Variants in SLC25A21 observed in about 807,000 individuals in gnomAD.
SLC25A21 encodes solute carrier family 25 member 21.
SLC25A21 carries 47 observed loss-of-function variants against 43.8 expected under a neutral mutation model. That is an observed-to-expected ratio of 1.07 (90% CI 0.85 to 1.37). The LOEUF (loss-of-function observed/expected upper bound fraction) is 1.37. Ranked by LOEUF, SLC25A21 falls within the 40% of genes most tolerant of loss-of-function variation. The probability of loss-of-function intolerance (pLI) is 0.00; values close to 1 mark genes in which losing one functional copy is unlikely to be tolerated. For synonymous variants in SLC25A21, 131 were observed against 121.3 expected (o/e 1.08, Z -0.52); for missense variants, 352 against 350.2 (o/e 1.00, Z -0.04).
chr14:36,699,667 C>T (rs557293922), intron 7 of SLC25A21, among the ~76,000 whole-genome samples: 6 of 152,312 alleles, frequency 3.9e-5, no homozygotes, highest in Non-Finnish European at 8.8e-5. Flanking sequence ...GGATGTCCCT[C>T]CCCCAGCCAG....
At chr14:36,829,457 C>CTTTGAAGTTTTGG (rs1888956017) in intron 2 of SLC25A21, among the ~76,000 whole-genome samples, 1 of 152,130 alleles carries the variant, frequency 6.6e-6, no homozygotes, top group African/African-American at 2.4e-5. Flanking sequence ...GAGTTTTCAT[C>CTTTGAAGTTTTGG]TTTGAAGTTT....
Position 36,729,513 on chromosome 14 carries a change from T to G in SLC25A21, c.324A>C (p.Pro108=), listed in dbSNP as rs767982043. The G allele has an allele frequency of 9.3e-6, 15 of 1,606,838 alleles. No homozygotes were observed. The highest frequency in any genetic ancestry group is 7.6e-6 in the Non-Finnish European group (9 of 1,176,876). Residue 108 remains proline (P), a synonymous_variant, in exon 5 of 10, where the codon CCA becomes CCC. Coordinates refer to ENST00000331299, the MANE Select transcript of SLC25A21 (RefSeq NM_030631.4). ...KKLLGYVSLS[P]ALTFAIAGLG... ...AATAAATACTCTCACTTACCAATGC[T>G]GGTGACAGTGACACATATCCCAGCA...
chr14:36,945,701 A>G (rs1321496304), intron 1 of SLC25A21, among the ~76,000 whole-genome samples: 6 of 152,148 alleles, frequency 3.9e-5, no homozygotes, highest in African/African-American at 1.2e-4. Context: ...TGTTGGCATC[A>G]GGGGCTGGGG....
At chr14:36,744,735 A>G (rs1885421255) in intron 3 of SLC25A21, among the ~76,000 whole-genome samples, 1 of 134,100 alleles carries the variant, frequency 7.5e-6, no homozygotes, top group Admixed American at 7.3e-5. Context: ...AATGAGGGAA[A>G]ATATTTGCAA....
chr14:37,101,823 G>A (rs6571784), intron 1 of SLC25A21, among the ~76,000 whole-genome samples: 121,585 of 152,130 alleles, frequency 0.8, 51,420 homozygotes, highest in South Asian at 0.95. Context: ...TTGTGGTTAC[G>A]TCTGTGTAAT....
At chr14:36,924,103 T>C (rs1378700790) in intron 1 of SLC25A21, among the ~76,000 whole-genome samples, 1 of 152,098 alleles carries the variant, frequency 6.6e-6, no homozygotes, top group Admixed American at 6.5e-5. Context: ...TCAACCATTA[T>C]GGAAGTCAGT....
intron 6 of SLC25A21, among the ~76,000 whole-genome samples, chr14:36,713,963 G>A (rs1884004496): frequency 6.6e-6 from 1 of 152,082 alleles, no homozygotes; most frequent in South Asian, 2.1e-4. Context: ...TCACTGCATA[G>A]TGACAGGCTC....
At chr14:37,033,684 G>A (rs1276556448) in intron 1 of SLC25A21, among the ~76,000 whole-genome samples, 1 of 152,102 alleles carries the variant, frequency 6.6e-6, no homozygotes, top group Admixed American at 6.5e-5. Flanking sequence ...TTATTCAAAG[G>A]ATATTGATGG....
intron 1 of SLC25A21, among the ~76,000 whole-genome samples, chr14:36,921,229 TCAG>T (rs1456261478): frequency 2.0e-5 from 3 of 152,156 alleles, no homozygotes; most frequent in Non-Finnish European, 4.4e-5. Context: ...TATATGAACT[TCAG>T]CAAGTCATAT....
At chr14:37,168,647 G>GA (rs567077061) in intron 1 of SLC25A21, among the ~76,000 whole-genome samples, 8 of 148,680 alleles carry the variant, frequency 5.4e-5, no homozygotes, top group Admixed American at 1.3e-4. Context: ...GACTAGAACC[G>GA]AAAAAAAAAG....
intron 7 of SLC25A21, among the ~76,000 whole-genome samples, chr14:36,695,302 G>T (rs1020588976): frequency 1.3e-5 from 2 of 152,012 alleles, no homozygotes; most frequent in Non-Finnish European, 2.9e-5. Flanking sequence ...CATGCTGTTT[G>T]GGTTACTGTA....
chr14:37,108,447 T>G (rs1962955888), intron 1 of SLC25A21, among the ~76,000 whole-genome samples: 2 of 152,190 alleles, frequency 1.3e-5, no homozygotes, highest in Admixed American at 6.5e-5. Flanking sequence ...GCTAATTTCA[T>G]TATATAACAT....
At chr14:36,774,399 A>G (rs1886743176) in intron 3 of SLC25A21, among the ~76,000 whole-genome samples, 1 of 152,232 alleles carries the variant, frequency 6.6e-6, no homozygotes, top group Admixed American at 6.5e-5. Flanking sequence ...TGCAGAAACT[A>G]TTCAAAAAGT....
intron 1 of SLC25A21, among the ~76,000 whole-genome samples, chr14:37,060,372 C>G (rs1961918746): frequency 7.2e-6 from 1 of 138,348 alleles, no homozygotes; most frequent in Non-Finnish European, 1.5e-5. Flanking sequence ...CTAAGGCACT[C>G]TACTCTCTAA....
chr14:36,853,792 T>A (rs1246813489), intron 2 of SLC25A21, among the ~76,000 whole-genome samples: 1 of 152,202 alleles, frequency 6.6e-6, no homozygotes, highest in Non-Finnish European at 1.5e-5. Flanking sequence ...CCCTATTTAT[T>A]TAGAGGCCTC....
intron 1 of SLC25A21, among the ~76,000 whole-genome samples, chr14:37,019,995 GATAAA>G (rs1960949536): frequency 6.6e-6 from 1 of 151,850 alleles, no homozygotes; most frequent in Non-Finnish European, 1.5e-5. Flanking sequence ...AAACATGTGA[GATAAA>G]ATAAGTATAA....
chr14:36,797,889 T>C (rs974225978), intron 3 of SLC25A21, among the ~76,000 whole-genome samples: 2 of 152,230 alleles, frequency 1.3e-5, no homozygotes, highest in South Asian at 2.1e-4. Flanking sequence ...ATGTTAGCTA[T>C]AAAGCTGTCA....
chr14:36,939,930 A>G (rs1384905014), intron 1 of SLC25A21, among the ~76,000 whole-genome samples: 1 of 152,172 alleles, frequency 6.6e-6, no homozygotes, highest in East Asian at 1.9e-4. Context: ...TCTGTTTTAC[A>G]TTCAGCGTTC....
chr14:37,093,423 A>T (rs941669535), intron 1 of SLC25A21, among the ~76,000 whole-genome samples: 1 of 152,358 alleles, frequency 6.6e-6, no homozygotes, highest in Non-Finnish European at 1.5e-5. Context: ...ATAAAGCAAT[A>T]TGGCAACTTT....
Sources: gnomAD v4.1 joint callset for allele counts (sites outside exome capture counted in the v4.1 genomes callset) on GRCh38, gnomAD v4.1.1 for gene constraint, MANE v1.5 for transcripts, NCBI Gene and HGNC (gene_info 2026-07-23, HGNC 2026-07-21) for gene names.